Variants in CSMD1 observed in about 807,000 individuals in gnomAD.
CSMD1 encodes the protein CUB and sushi domain-containing protein 1.
CSMD1 carries 213 observed loss-of-function variants against 417.5 expected under a neutral mutation model. The ratio of observed to expected loss-of-function variants is 0.51; its 90% confidence interval spans 0.46 to 0.57. The LOEUF is 0.57. Ranked by LOEUF, CSMD1 falls within the 20% of genes least tolerant of loss-of-function variation. The pLI, the probability that CSMD1 is intolerant of heterozygous loss-of-function variation, is 0.00. For missense variants in CSMD1, 6,923 were observed against 4,529.7 expected (o/e 1.53, Z -15.17); for synonymous variants, 2,862 against 1,736.8 (o/e 1.65, Z -16.11).
chr8:4,052,506 A>G (rs944919853), intron 3 of CSMD1, among the ~76,000 whole-genome samples: 5 of 152,290 alleles, frequency 3.3e-5, no homozygotes, highest in African/African-American at 1.2e-4. Context: ...GTGGGAGATC[A>G]GCATCTCCAA....
At chr8:2,941,364 T>G (rs1298487781) in intron 69 of CSMD1, among the ~76,000 whole-genome samples, 1 of 152,256 alleles carries the variant, frequency 6.6e-6, no homozygotes. Context: ...TTTTCTGTTT[T>G]AACCAGAATT....
At chr8:3,417,831 T>A (rs116777157) in intron 12 of CSMD1, among the ~76,000 whole-genome samples, 15,838 of 152,154 alleles carry the variant, frequency 0.1, 895 homozygotes, top group African/African-American at 0.13. Context: ...ACAGACCCTG[T>A]TTTTTGGAGA....
At chr8:4,538,824 G>T (rs1404185779) in intron 2 of CSMD1, among the ~76,000 whole-genome samples, 2 of 152,078 alleles carry the variant, frequency 1.3e-5, no homozygotes, top group Non-Finnish European at 2.9e-5. Context: ...ACTTGTTTTG[G>T]GTCACAAAGC....
intron 41 of CSMD1, among the ~76,000 whole-genome samples, chr8:3,138,674 G>A (rs1423193906): frequency 1.3e-5 from 2 of 152,164 alleles, no homozygotes; most frequent in Admixed American, 1.3e-4. Flanking sequence ...AGCATTGCAG[G>A]CTGAGATTGC....
chr8:4,617,431 A>G (rs1319439061), intron 2 of CSMD1, among the ~76,000 whole-genome samples: 1 of 152,188 alleles, frequency 6.6e-6, no homozygotes, highest in Non-Finnish European at 1.5e-5. Context: ...GCAAGGTAGT[A>G]GGACTGATAT....
At chr8:3,394,360 C>A (rs1811558060) in intron 17 of CSMD1, among the ~76,000 whole-genome samples, 1 of 150,500 alleles carries the variant, frequency 6.6e-6, no homozygotes, top group African/African-American at 2.4e-5. Flanking sequence ...TTTATCATTT[C>A]CTGATTTTCC....
chr8:3,504,155 T>C (rs1236128825), intron 10 of CSMD1, among the ~76,000 whole-genome samples: 1 of 152,150 alleles, frequency 6.6e-6, no homozygotes, highest in Non-Finnish European at 1.5e-5. Context: ...TTAATTCCCA[T>C]GATTTGATCA....
At chr8:3,300,251 A>G (rs1299463115) in intron 25 of CSMD1, among the ~76,000 whole-genome samples, 3 of 152,304 alleles carry the variant, frequency 2.0e-5, no homozygotes, top group East Asian at 1.9e-4. Context: ...ATAAATGAAC[A>G]TATCACATTT....
chr8:4,055,673 C>A (rs1413257421), intron 3 of CSMD1, among the ~76,000 whole-genome samples: 1 of 151,842 alleles, frequency 6.6e-6, no homozygotes, highest in Non-Finnish European at 1.5e-5. Flanking sequence ...ATAAATGCCA[C>A]CAAAGTAACA....
intron 5 of CSMD1, among the ~76,000 whole-genome samples, chr8:3,933,680 T>G (rs959808847): frequency 1.3e-5 from 2 of 152,190 alleles, no homozygotes; most frequent in African/African-American, 4.8e-5. Context: ...TACAAAATGT[T>G]TCGCATGCAA....
At chr8:4,928,297 A>G (rs1438058142) in intron 1 of CSMD1, among the ~76,000 whole-genome samples, 2 of 152,278 alleles carry the variant, frequency 1.3e-5, no homozygotes, top group South Asian at 2.1e-4. Context: ...CCATATGTGC[A>G]CAATCCCCTT....
At chr8:3,425,486 G>A (rs552579933) in intron 12 of CSMD1, among the ~76,000 whole-genome samples, 1 of 151,574 alleles carries the variant, frequency 6.6e-6, no homozygotes. Context: ...TACTTGGGAG[G>A]CTGAGGCAGG....
intron 11 of CSMD1, among the ~76,000 whole-genome samples, chr8:3,480,981 C>G (rs1439095020): frequency 6.6e-6 from 1 of 151,206 alleles, no homozygotes; most frequent in Non-Finnish European, 1.5e-5. Context: ...ATAGTGAAAC[C>G]CTGTCTGAAC....
chr8:3,932,739 G>A (rs1810239096), intron 5 of CSMD1, among the ~76,000 whole-genome samples: 1 of 150,368 alleles, frequency 6.7e-6, no homozygotes, highest in African/African-American at 2.5e-5. Flanking sequence ...AAAAAATAGT[G>A]TAATGGGATA....
chr8:4,295,454 C>A (rs910862363), intron 3 of CSMD1, among the ~76,000 whole-genome samples: 3 of 142,650 alleles, frequency 2.1e-5, no homozygotes, highest in African/African-American at 5.1e-5. Flanking sequence ...TCTTATTATA[C>A]ACATATAATC....
chr8:4,897,067 C>G (rs1804543066), intron 1 of CSMD1, among the ~76,000 whole-genome samples: 2 of 151,952 alleles, frequency 1.3e-5, no homozygotes, highest in Non-Finnish European at 2.9e-5. Flanking sequence ...AAATCATGAC[C>G]GGCCTTTCCT....
At chr8:4,233,995 C>A (rs1315113524) in intron 3 of CSMD1, among the ~76,000 whole-genome samples, 1 of 152,000 alleles carries the variant, frequency 6.6e-6, no homozygotes, top group Non-Finnish European at 1.5e-5. Flanking sequence ...ACATGTGATC[C>A]CTTCTGCCTG....
intron 1 of CSMD1, among the ~76,000 whole-genome samples, chr8:4,696,697 G>A (rs1206310046): frequency 6.6e-6 from 1 of 152,132 alleles, no homozygotes; most frequent in Non-Finnish European, 1.5e-5. Context: ...TATGACCCAT[G>A]AAGGCAAGGA....
rs111688130 is a variant in CSMD1, at chr8:4,093,982, A to G, written c.416-61883T>C. Reference sequence around the variant, plus strand: ...ACATCTCAAATAGATAGATAGATAGATAGATAGATAGATAGATAGATAGAT... The same window carrying G: ...ACATCTCAAATAGATAGATAGATAGGTAGATAGATAGATAGATAGATAGAT... On this transcript the variant is annotated intron_variant, in intron 3 of 69. Coordinates refer to ENST00000635120, the MANE Select transcript of CSMD1 (RefSeq NM_033225.6). Among the ~76,000 whole-genome samples, 33 of 136,944 alleles carry G rather than the reference A, an allele frequency of 2.4e-4. No homozygotes were observed. In the East Asian group the frequency reaches 5.6e-3, roughly 23 times the overall value. The allele number at this position is 136,944 out of a possible 152,430, so 89.8% of individuals were successfully genotyped here. A position where few individuals can be genotyped will look rare whatever the true frequency, so the allele number is the denominator to read the frequency against.
Sources: gnomAD v4.1 joint callset for allele counts (sites outside exome capture counted in the v4.1 genomes callset) on GRCh38, gnomAD v4.1.1 for gene constraint, MANE v1.5 for transcripts, NCBI Gene and HGNC (gene_info 2026-07-23, HGNC 2026-07-21) for gene names.